Variants in NTRK3 observed in about 807,000 individuals in gnomAD.
NTRK3 encodes neurotrophic receptor tyrosine kinase 3, also known as NT-3 growth factor receptor.
Under a neutral mutation model 91.7 loss-of-function variants are expected in NTRK3, and 24 were observed. That is an observed-to-expected ratio of 0.26 (90% CI 0.19 to 0.37). The LOEUF (loss-of-function observed/expected upper bound fraction) is 0.37, where lower values mean the gene tolerates loss of function less well. Among genes scored for constraint, NTRK3 ranks in the 10% least tolerant of loss-of-function variants. The pLI is 1.00. For synonymous variants in NTRK3, 483 were observed against 404.0 expected (o/e 1.20, Z -2.34); for missense variants, 880 against 1,068.9 (o/e 0.82, Z 2.46).
chr15:87,967,886 T>C lies in NTRK3; in HGVS notation c.1586-27133A>G, dbSNP rs144633641. On this transcript the variant is annotated intron_variant, in intron 14 of 18. Coordinates refer to ENST00000394480, the Ensembl canonical transcript of NTRK3. The stretch of plus-strand genomic sequence containing the variant: ...TAAAGAAATGGAATTCTGATGGACT[T>C]CTACACTTGGATCAAAGTGCATGAC... 1.6e-3 allele frequency among the ~76,000 whole-genome samples: 244 copies of C among 152,310 alleles called. 1 individual carries two copies. The highest frequency in any genetic ancestry group is 5.7e-3 in the African/African-American group (237 of 41,564).
At chr15:88,082,341 G>A (rs73447342) in intron 13 of NTRK3, among the ~76,000 whole-genome samples, 2 of 151,538 alleles carry the variant, frequency 1.3e-5, no homozygotes, top group Admixed American at 6.6e-5. Flanking sequence ...CAGCGGGGAA[G>A]AAGAGAGAAT....
intron 1 of NTRK3, 40 bp downstream of exon 1, chr15:88,256,604 C>G (rs1326035224): frequency 1.1e-5 from 5 of 475,092 alleles, no homozygotes; most frequent in Non-Finnish European, 1.8e-5. Context: ...ACACCACGCA[C>G]CTGCAAAACA....
intron 5 of NTRK3, among the ~76,000 whole-genome samples, chr15:88,165,690 A>C (rs369628813): frequency 6.6e-6 from 1 of 152,344 alleles, no homozygotes. Flanking sequence ...GTATTATTAT[A>C]ATGATTTGCT....
At chr15:88,012,251 G>A (rs1357206734) in intron 14 of NTRK3, among the ~76,000 whole-genome samples, 3 of 152,202 alleles carry the variant, frequency 2.0e-5, no homozygotes, top group African/African-American at 7.2e-5. Flanking sequence ...CAGCCATTTT[G>A]ACAGGGTGCT....
chr15:88,208,934 C>T (rs1421614776), intron 3 of NTRK3, among the ~76,000 whole-genome samples: 1 of 152,174 alleles, frequency 6.6e-6, no homozygotes, highest in South Asian at 2.1e-4. Flanking sequence ...TCATTGCCTG[C>T]AATGTGCCAA....
intron 3 of NTRK3, chr15:88,252,518 C>T (rs1221140499): frequency 1.3e-5 from 2 of 152,404 alleles, no homozygotes; most frequent in African/African-American, 2.4e-5. Context: ...CAGCCCCAAG[C>T]ATACCTGGTC....
At chr15:88,206,538 G>A (rs1439458886) in intron 3 of NTRK3, among the ~76,000 whole-genome samples, 2 of 149,878 alleles carry the variant, frequency 1.3e-5, no homozygotes, top group Non-Finnish European at 1.5e-5. Context: ...GGCGCCTGTA[G>A]TCCCAGCTAC....
chr15:88,141,499 T>C (rs568723611), intron 6 of NTRK3, among the ~76,000 whole-genome samples: 1 of 152,048 alleles, frequency 6.6e-6, no homozygotes, highest in East Asian at 1.9e-4. Flanking sequence ...ACAAGGAGGG[T>C]CCAGATGCTT....
chr15:87,939,818 T>C (rs572644067), intron 15 of NTRK3, among the ~76,000 whole-genome samples: 2 of 152,356 alleles, frequency 1.3e-5, no homozygotes, highest in South Asian at 4.1e-4. Flanking sequence ...TGACTCTTTT[T>C]ATGTTAACCA....
intron 14 of NTRK3, among the ~76,000 whole-genome samples, chr15:88,024,775 C>T (rs1405346393): frequency 6.6e-6 from 1 of 150,842 alleles, no homozygotes; most frequent in African/African-American, 2.4e-5. Flanking sequence ...AATTAGGATG[C>T]CTGGAAAGGT....
intron 3 of NTRK3, among the ~76,000 whole-genome samples, chr15:88,236,678 A>AG (rs397791456): frequency 6.7e-6 from 1 of 149,492 alleles, no homozygotes; most frequent in African/African-American, 2.5e-5. Flanking sequence ...AAAAAAAAAA[A>AG]CTACATATTG....
At chr15:87,947,288 T>C (rs2070654997) in intron 14 of NTRK3, among the ~76,000 whole-genome samples, 2 of 152,166 alleles carry the variant, frequency 1.3e-5, no homozygotes, top group South Asian at 4.2e-4. Context: ...GTTAGAGGTG[T>C]CCTGTGGGAC....
At chr15:88,115,273 T>C (rs60550450) in intron 13 of NTRK3, among the ~76,000 whole-genome samples, 2,876 of 152,300 alleles carry the variant, frequency 0.019, 98 homozygotes, top group African/African-American at 0.066. Context: ...GGCATGCCCC[T>C]TGCAAAGCAG....
Position 88,207,332 on chromosome 15 carries a change from G to C in NTRK3, c.249-23033C>G, listed in dbSNP as rs955640044. Reference sequence around the variant, plus strand: ...CAGTGCTGAGGCAGTCAGGACAACTGAGCTACCCACAGATGTCACTCTTTC... The same window carrying C: ...CAGTGCTGAGGCAGTCAGGACAACTCAGCTACCCACAGATGTCACTCTTTC... On this transcript the variant is annotated intron_variant, in intron 3 of 18. Transcript: ENST00000394480. 2.6e-5 allele frequency among the ~76,000 whole-genome samples: 4 copies of C among 152,042 alleles called. 1 individual carries two copies. The highest frequency in any genetic ancestry group is 9.7e-5 in the African/African-American group (4 of 41,392).
At chr15:88,149,019 T>C (rs1181853149) in intron 5 of NTRK3, among the ~76,000 whole-genome samples, 2 of 152,214 alleles carry the variant, frequency 1.3e-5, no homozygotes, top group African/African-American at 4.8e-5. Context: ...CTTGCAAATA[T>C]GAAGTTTGAC....
intron 14 of NTRK3, among the ~76,000 whole-genome samples, chr15:87,973,237 C>T (rs961623099): frequency 2.6e-5 from 4 of 152,160 alleles, no homozygotes; most frequent in Non-Finnish European, 5.9e-5. Context: ...CCTTATCACC[C>T]GTGCAGAAAT....
At chr15:87,878,344 T>C (rs28607439) in intron 18 of NTRK3, among the ~76,000 whole-genome samples, 6,980 of 152,260 alleles carry the variant, frequency 0.046, 571 homozygotes, top group African/African-American at 0.16. Context: ...TTTCCAGTAT[T>C]GTCTCATGTC....
chr15:87,991,662 T>G (rs1271933518), intron 14 of NTRK3, among the ~76,000 whole-genome samples: 1 of 152,208 alleles, frequency 6.6e-6, no homozygotes, highest in Non-Finnish European at 1.5e-5. Flanking sequence ...TATAATTACC[T>G]AAGTTCAAAC....
intron 3 of NTRK3, among the ~76,000 whole-genome samples, chr15:88,211,353 T>C (rs1185197496): frequency 6.6e-6 from 1 of 152,254 alleles, no homozygotes; most frequent in East Asian, 1.9e-4. Flanking sequence ...TGTCACTCTT[T>C]TATGGCTGAA....
Sources: allele counts gnomAD v4.1 joint callset (sites outside exome capture counted in the v4.1 genomes callset), GRCh38; gene constraint gnomAD v4.1.1; transcripts MANE v1.5; gene names NCBI Gene and HGNC (gene_info 2026-07-23, HGNC 2026-07-21).